EPB41: variants seen among roughly 807,000 people sequenced by gnomAD.
EPB41 encodes erythrocyte membrane protein band 4.1, also known as protein 4.1.
In EPB41, 65 loss-of-function variants were observed where a neutral mutation model predicts 108.0. The observed-to-expected ratio is 0.60, with a 90% CI of 0.49 to 0.74. EPB41 has a LOEUF of 0.74. Ranked by LOEUF, EPB41 falls within the 30% of genes least tolerant of loss-of-function variation. The pLI is 0.00. For synonymous variants in EPB41, 336 were observed against 358.9 expected (o/e 0.94, Z 0.72); for missense variants, 875 against 1,037.0 (o/e 0.84, Z 2.15).
At chr1:28,912,432 G>A (rs1395184906), upstream of EPB41, among the ~76,000 whole-genome samples, 1 of 151,996 alleles carries the variant, frequency 6.6e-6, no homozygotes, top group Non-Finnish European at 1.5e-5. Context: ...TTTACATAAC[G>A]TGCTCAGCTC....
At chr1:28,951,361 TACACACACACACAC>T (rs58546363) in intron 1 of EPB41, among the ~76,000 whole-genome samples, 7 of 142,944 alleles carry the variant, frequency 4.9e-5, no homozygotes, top group Non-Finnish European at 9.2e-5. Context: ...CCCTGTGTCT[TACACACACACACAC>T]ACACACACAC....
rs369505284 is a variant in EPB41, at chr1:29,070,763, CT to C, written c.2184+5606del. ...GTGATCATTTTTCTGTCAAATGTTACTCTTTGTAGAGTATGTATTGTGGGGT... is the reference window on the plus strand; with the variant it reads ...GTGATCATTTTTCTGTCAAATGTTACCTTTGTAGAGTATGTATTGTGGGGT... On this transcript the variant is annotated intron_variant, in intron 16 of 20. Transcript: ENST00000343067. 26 of 1,153,302 alleles carry C rather than the reference CT, an allele frequency of 2.3e-5. No individual in the cohort carries two copies. In the East Asian group the frequency reaches 4.5e-4, roughly 20 times the overall value. 71.4% of individuals were successfully genotyped at this position (1,153,302 alleles called of 1,614,324 possible).
intron 1 of EPB41, among the ~76,000 whole-genome samples, chr1:28,950,520 T>C (rs1371930758): frequency 6.6e-6 from 1 of 152,238 alleles, no homozygotes; most frequent in Non-Finnish European, 1.5e-5. Flanking sequence ...AAAAACTGTC[T>C]TGGTCCCAGT....
At chr1:28,964,610 TAAATAAATAAATAAATA>T (rs915217752) in intron 1 of EPB41, among the ~76,000 whole-genome samples, 25 of 151,392 alleles carry the variant, frequency 1.7e-4, no homozygotes, top group African/African-American at 2.7e-4. Flanking sequence ...CTGTCTCAAA[TAAATAAATAAATAAATA>T]AAATAAATAA....
In EPB41 at chr1:29,030,509, A is replaced by G. The variant is rs373278589; in HGVS notation, c.1212+22A>G. On this transcript the variant is annotated intron_variant, in intron 8 of 20. Transcript: ENST00000343067. ...AAAGGTAATGATAACTTTGCCCTTTATTAATATGCATGTGGAAGATATTAT... is the reference window on the plus strand; with the variant it reads ...AAAGGTAATGATAACTTTGCCCTTTGTTAATATGCATGTGGAAGATATTAT... 14 of 1,509,550 alleles carry G rather than the reference A, an allele frequency of 9.3e-6. No individual in the cohort carries two copies. The African/African-American group carries it at 1.6e-4, about 18-fold the overall frequency. The allele number at this position is 1,509,550 out of a possible 1,614,324, so 93.5% of individuals were successfully genotyped here.
At chr1:28,997,695 ATAT>A (rs1165945859) in intron 4 of EPB41, among the ~76,000 whole-genome samples, 8 of 151,858 alleles carry the variant, frequency 5.3e-5, no homozygotes, top group African/African-American at 1.2e-4. Flanking sequence ...TCTGTTATTA[ATAT>A]TATAATGACA....
rs949238098 is a variant in EPB41, at chr1:29,023,601, C to T, written c.1124+5159C>T. Among the ~76,000 whole-genome samples the T allele has an allele frequency of 1.8e-3, 270 of 151,708 alleles. 2 individuals are homozygous for T. Among genetic ancestry groups the T allele is most frequent in the African/African-American group, 6.3e-3 (261 of 41,218 alleles). The stretch of plus-strand genomic sequence containing the variant: ...CCTCAGGAGGCTGAGGCAGGAGAAT[C>T]GCTTGAACTCGGGAGGCAGAGGTTG... On this transcript the variant is annotated intron_variant, in intron 7 of 20. Transcript: ENST00000343067.
Position 29,119,919 on chromosome 1 carries a change from A to G in EPB41, c.*3107A>G, listed in dbSNP as rs1671627762. 1 of 152,662 alleles carries G rather than the reference A, an allele frequency of 6.6e-6. No homozygotes were observed. The highest frequency in any genetic ancestry group is 2.1e-4 in the South Asian group (1 of 4,828). The allele number at this position is 152,662 out of a possible 1,614,324, so 9.5% of individuals were successfully genotyped here. ...ATCAGATTGGCAGAATCTTTAGACTACACAGGCAATAATCAAGTCTGCTGT... is the reference window on the plus strand; with the variant it reads ...ATCAGATTGGCAGAATCTTTAGACTGCACAGGCAATAATCAAGTCTGCTGT... On this transcript the variant is annotated 3_prime_UTR_variant, in exon 21 of 21. Transcript: ENST00000343067.
chr1:29,024,685 T>C (rs1262657284), intron 7 of EPB41, among the ~76,000 whole-genome samples: 1 of 151,818 alleles, frequency 6.6e-6, no homozygotes, highest in African/African-American at 2.4e-5. Flanking sequence ...AAAATTCTTA[T>C]CCTCACTTCA....
At chr1:28,993,122 G>A (rs570131277) in intron 2 of EPB41, among the ~76,000 whole-genome samples, 14 of 152,168 alleles carry the variant, frequency 9.2e-5, no homozygotes, top group African/African-American at 3.1e-4. Context: ...TTGATTTGAT[G>A]GGATTCTACC....
At chr1:29,016,212 G>T (rs1242847404) in intron 6 of EPB41, among the ~76,000 whole-genome samples, 1 of 151,954 alleles carries the variant, frequency 6.6e-6, no homozygotes, top group Non-Finnish European at 1.5e-5. Context: ...TCTCGCTCTT[G>T]TCGCCCAGTC....
Position 28,922,927 on chromosome 1 carries a change from T to C in EPB41, c.-8+8159T>C, listed in dbSNP as rs759225081. Among the ~76,000 whole-genome samples, 3 of 151,018 alleles carry C rather than the reference T, an allele frequency of 2.0e-5. No homozygotes were observed. In the South Asian group the frequency reaches 6.3e-4, roughly 32 times the overall value. On this transcript the variant is annotated intron_variant, in intron 1 of 20. Coordinates refer to ENST00000343067, the MANE Select transcript of EPB41 (RefSeq NM_001376013.1). ...CAGGTGTGAGCCATTGTGCCCAGGC[T>C]GAGATGATCTTATGATATTGCCCAG...
chr1:29,013,985 A>T (rs1455312705), intron 5 of EPB41, among the ~76,000 whole-genome samples: 1 of 151,750 alleles, frequency 6.6e-6, no homozygotes, highest in Non-Finnish European at 1.5e-5. Flanking sequence ...AATCTGCAAT[A>T]TTTTTTTCTA....
intron 19 of EPB41, among the ~76,000 whole-genome samples, chr1:29,114,589 G>A (rs889296124): frequency 7.1e-6 from 1 of 140,946 alleles, no homozygotes; most frequent in Non-Finnish European, 1.5e-5. Flanking sequence ...GTTTCAGTGA[G>A]CCAAGATCAC....
chr1:29,104,870 G>C (rs1666625715), intron 17 of EPB41, among the ~76,000 whole-genome samples: 1 of 152,028 alleles, frequency 6.6e-6, no homozygotes, highest in Non-Finnish European at 1.5e-5. Context: ...TTACAGGTGT[G>C]AGCCACTGTG....
rs753442343 is a variant in EPB41 at position 29,030,517 on chromosome 1, G to A, written c.1212+30G>A. On this transcript the variant is annotated intron_variant, in intron 8 of 20. Transcript: ENST00000343067. ...TGATAACTTTGCCCTTTATTAATAT[G>A]CATGTGGAAGATATTATATGATACA... The A allele has an allele frequency of 1.7e-5, 25 of 1,461,968 alleles. No homozygotes were observed. In the Middle Eastern group the frequency reaches 5.3e-4, roughly 31 times the overall value. The allele number at this position is 1,461,968 out of a possible 1,614,324, so 90.6% of individuals were successfully genotyped here.
intron 1 of EPB41, among the ~76,000 whole-genome samples, chr1:28,896,891 G>A (rs922572213): frequency 3.3e-5 from 5 of 152,220 alleles, no homozygotes; most frequent in African/African-American, 9.6e-5. Flanking sequence ...AGTGGCCAGA[G>A]AGGAGAGGAG....
At chr1:29,058,787 C>T (rs1470173994) in intron 13 of EPB41, 24 bp from the exon 14 acceptor site, 1 of 1,538,510 alleles carries the variant, frequency 6.5e-7, no homozygotes, top group Non-Finnish European at 8.8e-7. Context: ...ATTTTTCTTT[C>T]TTTTTTAAAT....
intron 1 of EPB41, among the ~76,000 whole-genome samples, chr1:28,986,852 A>C (rs2095878411): frequency 6.6e-6 from 1 of 152,228 alleles, no homozygotes; most frequent in Non-Finnish European, 1.5e-5. Context: ...TTTTTGCAGT[A>C]TTTCAACTGT....
Sources: gnomAD v4.1 joint callset for allele counts (sites outside exome capture counted in the v4.1 genomes callset) on GRCh38, gnomAD v4.1.1 for gene constraint, MANE v1.5 for transcripts, NCBI Gene and HGNC (gene_info 2026-07-23, HGNC 2026-07-21) for gene names.